The following EPHB1 variants were observed in gnomAD, a reference collection of about 807,000 sequenced individuals.
EPHB1 encodes EPH receptor B1.
A neutral mutation model predicts 94.4 loss-of-function variants in EPHB1; 30 were observed. That is an observed-to-expected ratio of 0.32 (90% CI 0.24 to 0.43). The LOEUF is 0.43. Ranked by LOEUF, EPHB1 falls within the 20% of genes least tolerant of loss-of-function variation. The pLI is 1.00. For synonymous variants in EPHB1, 522 were observed against 489.1 expected (o/e 1.07, Z -0.89); for missense variants, 1,055 against 1,308.3 (o/e 0.81, Z 2.99).
At chr3:134,873,958 G>A (rs1224581302) in intron 1 of EPHB1, among the ~76,000 whole-genome samples, 1 of 152,064 alleles carries the variant, frequency 6.6e-6, no homozygotes. Context: ...AGGAGAATGG[G>A]GAATTCTCCT....
intron 13 of EPHB1, among the ~76,000 whole-genome samples, chr3:135,245,298 G>T (rs1243867461): frequency 9.9e-5 from 15 of 152,064 alleles, no homozygotes; most frequent in African/African-American, 3.6e-4. Flanking sequence ...CTCTCCCAAG[G>T]TTCTATAGGT....
chr3:134,858,436 C>T (rs745407565), intron 1 of EPHB1, among the ~76,000 whole-genome samples: 7 of 152,124 alleles, frequency 4.6e-5, no homozygotes, highest in South Asian at 2.1e-4. Flanking sequence ...TAATTACTGC[C>T]GAACATCTGT....
chr3:135,174,291 G>A (rs900769397), intron 9 of EPHB1, among the ~76,000 whole-genome samples: 5 of 152,174 alleles, frequency 3.3e-5, no homozygotes, highest in African/African-American at 2.4e-5. Flanking sequence ...GACTATCACT[G>A]ATTCCCTCCA....
chr3:134,919,406 C>T (rs114174788), intron 1 of EPHB1, among the ~76,000 whole-genome samples: 2,689 of 152,256 alleles, frequency 0.018, 88 homozygotes, highest in African/African-American at 0.061. Context: ...AGGCTGGTGC[C>T]CTTAACAGTT....
intron 15 of EPHB1, among the ~76,000 whole-genome samples, chr3:135,251,265 G>A (rs774652678): frequency 3.3e-5 from 5 of 152,144 alleles, no homozygotes; most frequent in African/African-American, 4.8e-5. Flanking sequence ...ACTTACCAGT[G>A]GGAAACCAGC....
chr3:135,167,855 C>G (rs1440336018), intron 9 of EPHB1, among the ~76,000 whole-genome samples: 14 of 152,182 alleles, frequency 9.2e-5, no homozygotes, highest in Non-Finnish European at 7.4e-5. Flanking sequence ...ACCTCAACCC[C>G]CTTGTTGCAA....
At chr3:134,796,585 G>A (rs2035831887) in intron 1 of EPHB1, among the ~76,000 whole-genome samples, 1 of 152,248 alleles carries the variant, frequency 6.6e-6, no homozygotes. Context: ...GCGCTCGGTA[G>A]CGCTCGCGAA....
chr3:135,097,290 A>C (rs1242431344), intron 3 of EPHB1, among the ~76,000 whole-genome samples: 1 of 148,206 alleles, frequency 6.7e-6, no homozygotes, highest in Non-Finnish European at 1.5e-5. Context: ...GGCTATCCTC[A>C]CTCCCTAATC....
intron 3 of EPHB1, among the ~76,000 whole-genome samples, chr3:135,038,957 T>C (rs1348865430): frequency 3.3e-5 from 5 of 152,246 alleles, no homozygotes; most frequent in African/African-American, 9.6e-5. Context: ...ACGGCGCTGA[T>C]TGGTGCGTTT....
At position 134,951,385 on chromosome 3, in the gene EPHB1, T is replaced by C; in HGVS notation, c.138T>C (p.Ser46=). ...GCTATGTACAGTGGGAAGAAGTCAG[T>C]GGCTACGATGAAAACCTGAACACCA... is the stretch of plus-strand genomic sequence containing the variant. ...ANPASGWEEV[S]GYDENLNTIR... The change falls in exon 3 of 16, where the codon AGT becomes AGC. Residue 46 remains serine (S), a synonymous_variant. Coordinates refer to ENST00000398015, the MANE Select transcript of EPHB1 (RefSeq NM_004441.5). This position sits in a 1 kb window ranked among gnomAD's most constrained non-coding sequence, Gnocchi z 4.5. The C allele has an allele frequency of 6.4e-7, 1 of 1,566,022 alleles. No individual in the cohort carries two copies. The highest frequency in any genetic ancestry group is 8.7e-7 in the Non-Finnish European group (1 of 1,154,230).
intron 3 of EPHB1, among the ~76,000 whole-genome samples, chr3:135,064,480 A>G (rs1340794601): frequency 2.6e-5 from 4 of 152,010 alleles, no homozygotes; most frequent in African/African-American, 9.7e-5. Context: ...TCGAATTTAC[A>G]TGCATAAATG....
intron 3 of EPHB1, among the ~76,000 whole-genome samples, chr3:135,074,758 C>T (rs1937850050): frequency 1.3e-5 from 2 of 152,146 alleles, no homozygotes; most frequent in Admixed American, 1.3e-4. Context: ...GGCACTATGT[C>T]ATTATGAAGG....
At chr3:134,939,333 C>T (rs2039070256) in intron 2 of EPHB1, among the ~76,000 whole-genome samples, 1 of 97,454 alleles carries the variant, frequency 1.0e-5, no homozygotes, top group Non-Finnish European at 1.9e-5. Context: ...GAGTCGGTCA[C>T]CTTTCTCAAA....
intron 3 of EPHB1, among the ~76,000 whole-genome samples, chr3:135,056,868 C>A (rs1437566785): frequency 1.3e-5 from 2 of 152,046 alleles, no homozygotes; most frequent in Non-Finnish European, 2.9e-5. Context: ...GGCGGTGAGC[C>A]CCAAGGGCTG....
At chr3:135,053,967 G>T (rs991692460) in intron 3 of EPHB1, among the ~76,000 whole-genome samples, 1 of 151,624 alleles carries the variant, frequency 6.6e-6, no homozygotes, top group African/African-American at 2.4e-5. Context: ...ACTCTAGCTT[G>T]GGTGACAGAA....
At chr3:135,154,058 AATG>A in intron 5 of EPHB1, 91 bp from the exon 6 acceptor site, 1 of 1,539,764 alleles carries the variant, frequency 6.5e-7, no homozygotes, top group Non-Finnish European at 8.9e-7. Context: ...GTTCAAGCCG[AATG>A]CCATTTTTCT....
At chr3:135,053,322 A>G (rs1193614024) in intron 3 of EPHB1, among the ~76,000 whole-genome samples, 1 of 151,960 alleles carries the variant, frequency 6.6e-6, no homozygotes, top group Non-Finnish European at 1.5e-5. Context: ...GTAACATACT[A>G]TATATTATTC....
At chr3:135,257,522 G>A (rs2107735607) in intron 15 of EPHB1, among the ~76,000 whole-genome samples, 1 of 152,262 alleles carries the variant, frequency 6.6e-6, no homozygotes, top group South Asian at 2.1e-4. Context: ...TCCCAGTTAG[G>A]TTGCTGGGGG....
intron 5 of EPHB1, among the ~76,000 whole-genome samples, chr3:135,134,040 G>A (rs73862027): frequency 0.041 from 6,212 of 152,260 alleles, 428 homozygotes; most frequent in African/African-American, 0.14. Context: ...AATGCTATAT[G>A]CATGCAGTAA....
Sources: gnomAD v4.1 joint callset for allele counts (sites outside exome capture counted in the v4.1 genomes callset) on GRCh38, gnomAD v4.1.1 for gene constraint, Gnocchi (gnomAD v3.1) non-coding constraint, MANE v1.5 for transcripts, NCBI Gene and HGNC (gene_info 2026-07-23, HGNC 2026-07-21) for gene names.